The following SGCZ variants were observed in gnomAD, a reference collection of about 807,000 sequenced individuals.
The protein encoded by SGCZ is sarcoglycan zeta.
SGCZ carries 40 observed loss-of-function variants against 41.3 expected under a neutral mutation model. The observed-to-expected ratio is 0.97, with a 90% confidence interval of 0.75 to 1.26. The LOEUF is 1.26. Ranked by LOEUF, SGCZ falls within the 50% of genes most tolerant of loss-of-function variation. The pLI is 0.00. For missense variants in SGCZ, 552 were observed against 369.8 expected (o/e 1.49, Z -4.04); for synonymous variants, 206 against 137.5 (o/e 1.50, Z -3.49).
chr8:14,774,689 G>A (rs759456043), intron 1 of SGCZ, among the ~76,000 whole-genome samples: 3 of 152,196 alleles, frequency 2.0e-5, no homozygotes, highest in Non-Finnish European at 4.4e-5. Context: ...TTTGCTCAAA[G>A]TATTTAAGAA....
intron 1 of SGCZ, among the ~76,000 whole-genome samples, chr8:15,139,687 A>G (rs1490658016): frequency 1.3e-5 from 2 of 152,170 alleles, no homozygotes; most frequent in African/African-American, 4.8e-5. Flanking sequence ...TTTTAACTAT[A>G]GTCCTCATGT....
At chr8:15,213,116 G>C (rs1801289581) in intron 1 of SGCZ, among the ~76,000 whole-genome samples, 1 of 151,958 alleles carries the variant, frequency 6.6e-6, no homozygotes, top group Non-Finnish European at 1.5e-5. Flanking sequence ...GATTCTGTCA[G>C]ACAAGCATAA....
At chr8:14,537,446 G>T (rs1434911309) in intron 2 of SGCZ, among the ~76,000 whole-genome samples, 2 of 151,798 alleles carry the variant, frequency 1.3e-5, no homozygotes, top group Non-Finnish European at 2.9e-5. Context: ...ATAATTACAA[G>T]TTATAAGCTA....
At chr8:14,551,021 A>C (rs1803790268) in intron 2 of SGCZ, among the ~76,000 whole-genome samples, 2 of 151,794 alleles carry the variant, frequency 1.3e-5, no homozygotes, top group Admixed American at 6.6e-5. Flanking sequence ...TTCAATTATT[A>C]CCCAGGTCTG....
chr8:14,828,625 G>T (rs1802421015), intron 1 of SGCZ, among the ~76,000 whole-genome samples: 1 of 152,184 alleles, frequency 6.6e-6, no homozygotes, highest in African/African-American at 2.4e-5. Flanking sequence ...GCTATCAAGA[G>T]GTGTCAGTGG....
chr8:14,144,534 G>C (rs1803465223), intron 5 of SGCZ, among the ~76,000 whole-genome samples: 1 of 152,176 alleles, frequency 6.6e-6, no homozygotes. Flanking sequence ...CTTCAGGTGA[G>C]ACTCAGTACT....
At chr8:14,971,701 G>C (rs2130865317) in intron 1 of SGCZ, among the ~76,000 whole-genome samples, 1 of 146,498 alleles carries the variant, frequency 6.8e-6, no homozygotes, top group African/African-American at 2.5e-5. Flanking sequence ...CCAGGCTGGA[G>C]CACAGTGGCA....
chr8:14,245,202 C>T (rs989756245), intron 3 of SGCZ, among the ~76,000 whole-genome samples: 3 of 152,068 alleles, frequency 2.0e-5, no homozygotes, highest in Admixed American at 6.6e-5. Flanking sequence ...CCAGTTTTTG[C>T]CCATTCAGTA....
intron 2 of SGCZ, among the ~76,000 whole-genome samples, chr8:14,428,894 C>A (rs992543851): frequency 1.3e-5 from 2 of 152,208 alleles, no homozygotes; most frequent in African/African-American, 2.4e-5. Context: ...AAGCTCACAA[C>A]ATGCTTTCAT....
intron 1 of SGCZ, among the ~76,000 whole-genome samples, chr8:14,687,432 A>T (rs1808649683): frequency 6.7e-6 from 1 of 150,032 alleles, no homozygotes; most frequent in Non-Finnish European, 1.5e-5. Context: ...CCTATGAGTG[A>T]GAATATGCGG....
At chr8:14,775,559 C>T (rs947596071) in intron 1 of SGCZ, among the ~76,000 whole-genome samples, 4 of 151,376 alleles carry the variant, frequency 2.6e-5, no homozygotes, top group Admixed American at 2.6e-4. Flanking sequence ...GTTCCACCTT[C>T]ATATTATTTA....
intron 1 of SGCZ, among the ~76,000 whole-genome samples, chr8:15,033,984 T>C (rs1803781158): frequency 6.6e-6 from 1 of 152,178 alleles, no homozygotes; most frequent in South Asian, 2.1e-4. Flanking sequence ...AAAGCCAATC[T>C]TTAAAGACTA....
At chr8:14,367,340 T>A (rs953057538) in intron 2 of SGCZ, among the ~76,000 whole-genome samples, 1 of 152,098 alleles carries the variant, frequency 6.6e-6, no homozygotes, top group African/African-American at 2.4e-5. Flanking sequence ...CATCCCCACA[T>A]CTTCCTGTCT....
intron 1 of SGCZ, among the ~76,000 whole-genome samples, chr8:15,065,054 G>T (rs2131017539): frequency 6.6e-6 from 1 of 152,112 alleles, no homozygotes; most frequent in Non-Finnish European, 1.5e-5. Context: ...ACTTCCAAAT[G>T]CAAAAATCTG....
intron 1 of SGCZ, among the ~76,000 whole-genome samples, chr8:15,228,311 A>G (rs1801839724): frequency 6.6e-6 from 1 of 152,196 alleles, no homozygotes; most frequent in Admixed American, 6.5e-5. Flanking sequence ...TAATTACTAA[A>G]TGTTCATAAT....
At chr8:14,353,683 T>C (rs929291214) in intron 2 of SGCZ, among the ~76,000 whole-genome samples, 8 of 152,106 alleles carry the variant, frequency 5.3e-5, no homozygotes, top group Non-Finnish European at 8.8e-5. Flanking sequence ...ACCTGAAATA[T>C]TGTGATAACC....
chr8:15,092,277 C>A (rs1035769358), intron 1 of SGCZ, among the ~76,000 whole-genome samples: 11 of 152,154 alleles, frequency 7.2e-5, no homozygotes, highest in African/African-American at 2.7e-4. Flanking sequence ...TGAATCTTAA[C>A]ATGCCAGAAT....
chr8:14,702,053 C>T (rs1181736094), intron 1 of SGCZ, among the ~76,000 whole-genome samples: 1 of 151,860 alleles, frequency 6.6e-6, no homozygotes, highest in Non-Finnish European at 1.5e-5. Flanking sequence ...ATTCAAAATT[C>T]TCCCATTAGG....
intron 3 of SGCZ, among the ~76,000 whole-genome samples, chr8:14,240,343 A>T (rs1192878166): frequency 1.3e-5 from 2 of 150,850 alleles, no homozygotes; most frequent in Admixed American, 6.6e-5. Flanking sequence ...AAAAAAAAAA[A>T]AAAAAAAAAA....
Sources: gnomAD v4.1 joint callset for allele counts (sites outside exome capture counted in the v4.1 genomes callset) on GRCh38, gnomAD v4.1.1 for gene constraint, MANE v1.5 for transcripts, NCBI Gene and HGNC (gene_info 2026-07-23, HGNC 2026-07-21) for gene names.